Variants in FHIT observed in about 807,000 individuals in gnomAD.
The protein encoded by FHIT is bis(5'-adenosyl)-triphosphatase.
Under a neutral mutation model 17.9 loss-of-function variants are expected in FHIT, and 19 were observed. The observed-to-expected ratio is 1.06, with a 90% CI of 0.74 to 1.56. The LOEUF is 1.56. Ranked by LOEUF, FHIT falls within the 40% of genes most tolerant of loss-of-function variation. The pLI is 0.00. For missense variants in FHIT, 248 were observed against 189.2 expected, an observed-to-expected ratio of 1.31 and a Z score of -1.82; for synonymous variants, 81 against 69.7, an observed-to-expected ratio of 1.16 and a Z score of -0.81.
intron 8 of FHIT, among the ~76,000 whole-genome samples, chr3:59,915,825 A>G (rs1268038768): frequency 1.3e-5 from 2 of 151,926 alleles, no homozygotes; most frequent in Non-Finnish European, 2.9e-5. Context: ...CTAGCCACTC[A>G]GGAGGCTGAG....
Position 60,619,173 on chromosome 3 carries a change from TCTTACAAGAGTAATTACATTTA to T in FHIT, c.-17-82216_-17-82195del, listed in dbSNP as rs1553677249. On this transcript the variant is annotated intron_variant, in intron 4 of 9. Coordinates refer to ENST00000492590, the MANE Select transcript of FHIT (RefSeq NM_002012.4). Reference sequence around the variant, plus strand: ...TCCTTTAGTATCATGTATTTTTTCCTCTTACAAGAGTAATTACATTTAAAAAAGCTATCTACTGTTCTAGAAT... The same window carrying T: ...TCCTTTAGTATCATGTATTTTTTCCTAAAAAGCTATCTACTGTTCTAGAAT... 7.7e-3 allele frequency among the ~76,000 whole-genome samples: 1,177 copies of T among 152,334 alleles called. 23 individuals carry two copies. The highest frequency in any genetic ancestry group is 0.026 in the African/African-American group (1,081 of 41,568).
At chr3:60,975,383 A>G (rs1043536360) in intron 3 of FHIT, among the ~76,000 whole-genome samples, 27 of 152,226 alleles carry the variant, frequency 1.8e-4, no homozygotes, top group Non-Finnish European at 3.7e-4. Flanking sequence ...GATATATGAA[A>G]TATTTTCTCC....
At chr3:60,347,725 T>C (rs1436536198) in intron 5 of FHIT, among the ~76,000 whole-genome samples, 3 of 151,572 alleles carry the variant, frequency 2.0e-5, no homozygotes, top group Non-Finnish European at 2.9e-5. Context: ...GTACACACTT[T>C]TGTGTTATTT....
chr3:61,217,421 C>T lies in FHIT; in HGVS notation c.-212-16756G>A, dbSNP rs550984967. Among the ~76,000 whole-genome samples, 6 of 152,226 alleles carry T rather than the reference C, an allele frequency of 3.9e-5. No homozygotes were observed. In the South Asian group the frequency reaches 1.2e-3, roughly 32 times the overall value. Reference sequence around the variant, plus strand: ...TAGCTGAGACCACAGCTAGAGCTAGCAGCTGGAATATGTCCATGTGGCCTC... The same window carrying T: ...TAGCTGAGACCACAGCTAGAGCTAGTAGCTGGAATATGTCCATGTGGCCTC... On this transcript the variant is annotated intron_variant, in intron 1 of 9. Coordinates refer to ENST00000492590, the MANE Select transcript of FHIT (RefSeq NM_002012.4).
At chr3:60,945,184 C>T (rs1182783841) in intron 3 of FHIT, among the ~76,000 whole-genome samples, 2 of 151,856 alleles carry the variant, frequency 1.3e-5, no homozygotes, top group Non-Finnish European at 2.9e-5. Context: ...CAAAGGCATA[C>T]AAATATCTCG....
intron 3 of FHIT, among the ~76,000 whole-genome samples, chr3:60,843,225 G>T (rs1575589865): frequency 6.6e-6 from 1 of 152,100 alleles, no homozygotes; most frequent in Admixed American, 6.6e-5. Context: ...CTGACTTTGG[G>T]GCTGAAATGA....
intron 4 of FHIT, among the ~76,000 whole-genome samples, chr3:60,673,780 C>T (rs1197399600): frequency 6.6e-6 from 1 of 152,058 alleles, no homozygotes; most frequent in Non-Finnish European, 1.5e-5. Context: ...ATAACTCTTA[C>T]TGTTGTTCTC....
chr3:59,835,035 C>A (rs979277830), intron 8 of FHIT, among the ~76,000 whole-genome samples: 1 of 152,122 alleles, frequency 6.6e-6, no homozygotes, highest in Admixed American at 6.5e-5. Context: ...TGCAAAGATA[C>A]CACTTACTCA....
intron 8 of FHIT, among the ~76,000 whole-genome samples, chr3:59,819,049 G>A (rs1266444071): frequency 6.6e-6 from 1 of 152,174 alleles, no homozygotes; most frequent in African/African-American, 2.4e-5. Flanking sequence ...TGTCTCTGTT[G>A]ACTTGAAGTG....
intron 5 of FHIT, among the ~76,000 whole-genome samples, chr3:60,074,690 AG>A (rs1291349235): frequency 6.6e-6 from 1 of 152,004 alleles, no homozygotes; most frequent in Non-Finnish European, 1.5e-5. Context: ...GCACTTTAAA[AG>A]CATGATGTTC....
At chr3:60,097,893 T>G (rs1025357770) in intron 5 of FHIT, among the ~76,000 whole-genome samples, 1 of 126,888 alleles carries the variant, frequency 7.9e-6, no homozygotes, top group Non-Finnish European at 1.6e-5. Flanking sequence ...GGCCCCGGTG[T>G]GTGATGTTCC....
chr3:60,782,235 G>GTATATA (rs879948599), intron 4 of FHIT, among the ~76,000 whole-genome samples: 5,158 of 75,986 alleles, frequency 0.068, 121 homozygotes, highest in Middle Eastern at 0.1. Flanking sequence ...GTGTGTGTGT[G>GTATATA]TGTATATATA....
At chr3:60,345,827 A>G (rs536117891) in intron 5 of FHIT, among the ~76,000 whole-genome samples, 2 of 152,108 alleles carry the variant, frequency 1.3e-5, no homozygotes, top group Non-Finnish European at 2.9e-5. Flanking sequence ...GCTATCAATT[A>G]TAAGAAACAC....
Position 61,058,323 on chromosome 3 carries a change from T to C in FHIT, c.-163-16224A>G, listed in dbSNP as rs147593497. 1.2e-3 allele frequency among the ~76,000 whole-genome samples: 179 copies of C among 152,322 alleles called. 1 individual carries two copies. The highest frequency in any genetic ancestry group is 1.5e-4 in the Non-Finnish European group (10 of 68,026). On this transcript the variant is annotated intron_variant, in intron 2 of 9. Coordinates refer to ENST00000492590, the MANE Select transcript of FHIT (RefSeq NM_002012.4). ...GATAGTTTCCAATAATTTATATACA[T>C]GTAAAGTATATTTGAGATGGTCGGT...
intron 8 of FHIT, among the ~76,000 whole-genome samples, chr3:59,857,707 T>G (rs1293400249): frequency 4.2e-5 from 6 of 142,960 alleles, no homozygotes; most frequent in African/African-American, 1.3e-4. Flanking sequence ...AGTGCTGGGT[T>G]TTTTTTTTTT....
intron 8 of FHIT, among the ~76,000 whole-genome samples, chr3:59,762,792 C>A (rs891011901): frequency 1.3e-4 from 19 of 151,044 alleles, no homozygotes; most frequent in African/African-American, 4.7e-4. Flanking sequence ...ATCACCAACA[C>A]CTCACCCCAG....
chr3:60,047,377 A>T (rs13063836), intron 5 of FHIT, among the ~76,000 whole-genome samples: 53,275 of 152,122 alleles, frequency 0.35, 10,719 homozygotes, highest in Middle Eastern at 0.55. Flanking sequence ...GCATATGGAC[A>T]TTTACACATA....
intron 4 of FHIT, among the ~76,000 whole-genome samples, chr3:60,805,507 C>A (rs1231367070): frequency 1.3e-5 from 2 of 151,712 alleles, no homozygotes; most frequent in Non-Finnish European, 2.9e-5. Flanking sequence ...TAGGTCCCAC[C>A]CTTATGACCT....
chr3:59,782,478 G>C (rs1207803329), intron 8 of FHIT, among the ~76,000 whole-genome samples: 2 of 152,096 alleles, frequency 1.3e-5, no homozygotes, highest in African/African-American at 4.8e-5. Flanking sequence ...ATCAGAACAG[G>C]ATATCTGCAC....
Sources: allele counts gnomAD v4.1 joint callset (sites outside exome capture counted in the v4.1 genomes callset), GRCh38; gene constraint gnomAD v4.1.1; transcripts MANE v1.5; gene names NCBI Gene and HGNC (gene_info 2026-07-23, HGNC 2026-07-21).